PARP8: variants seen among roughly 807,000 people sequenced by gnomAD.
PARP8 encodes the protein protein mono-ADP-ribosyltransferase PARP8.
A neutral mutation model predicts 124.1 loss-of-function variants in PARP8; 51 were observed. That is an observed-to-expected ratio of 0.41 (90% CI 0.33 to 0.52). The LOEUF is 0.52. Ranked by LOEUF, PARP8 falls within the 20% of genes least tolerant of loss-of-function variation. The pLI, the probability that PARP8 is intolerant of heterozygous loss-of-function variation, is 0.21. For missense variants in PARP8, 860 were observed against 1,018.9 expected, an observed-to-expected ratio of 0.84 and a Z score of 2.12; for synonymous variants, 391 against 361.5, an observed-to-expected ratio of 1.08 and a Z score of -0.93.
chr5:50,820,697 C>G (rs543639894), intron 15 of PARP8, among the ~76,000 whole-genome samples: 2 of 152,308 alleles, frequency 1.3e-5, no homozygotes, highest in East Asian at 3.9e-4. Context: ...GCCAGATGGT[C>G]GCATGTCTCC....
intron 6 of PARP8, 23 bp downstream of exon 6, chr5:50,761,921 A>G (rs1760584789): frequency 3.4e-6 from 5 of 1,472,310 alleles, no homozygotes; most frequent in Non-Finnish European, 3.8e-6. Flanking sequence ...GGTCTTCCAA[A>G]TACCTAGTCT....
chr5:50,708,856 A>G (rs185885670), intron 2 of PARP8, among the ~76,000 whole-genome samples: 39 of 151,926 alleles, frequency 2.6e-4, no homozygotes, highest in African/African-American at 8.4e-4. Flanking sequence ...ATCATAGCTC[A>G]CTGCAGCTTC....
intron 10 of PARP8, among the ~76,000 whole-genome samples, chr5:50,790,861 A>G (rs1359887023): frequency 3.9e-5 from 6 of 152,162 alleles, no homozygotes; most frequent in African/African-American, 1.4e-4. Context: ...GTTTGTTAAT[A>G]TAGATTAGAA....
At chr5:50,730,249 T>A (rs1487671543) in intron 2 of PARP8, among the ~76,000 whole-genome samples, 1 of 152,216 alleles carries the variant, frequency 6.6e-6, no homozygotes, top group Non-Finnish European at 1.5e-5. Context: ...CAAACTGTAT[T>A]AGTCCGTTTT....
In PARP8 at chr5:50,841,992, C is replaced by T; in HGVS notation, c.2489C>T (p.Ala830Val). The stretch of plus-strand genomic sequence containing the variant: ...TATGAAGACGGCCAAGTGGGAGATG[C>T]AAATATTAATACACAAGAAGGAGGC... Reference protein sequence around the residue: ...FVYEDGQVGDANINTQEGGIH... With the variant: ...FVYEDGQVGDVNINTQEGGIH... Residue 830 changes from alanine (A) to valine (V), a missense_variant, in exon 26 of 26, where the codon GCA (alanine) becomes GTA (valine). This residue lies in a region of PARP8 where 343 missense variants were observed against 474.7 expected (regional missense o/e 0.72). Coordinates refer to ENST00000281631, the MANE Select transcript of PARP8 (RefSeq NM_024615.4). 6.2e-7 allele frequency: 1 copy of T among 1,600,924 alleles called. No individual in the cohort carries two copies. The highest frequency in any genetic ancestry group is 2.3e-5 in the East Asian group (1 of 44,066).
chr5:50,792,769 A>T (rs1742107701), intron 10 of PARP8, among the ~76,000 whole-genome samples: 1 of 152,166 alleles, frequency 6.6e-6, no homozygotes, highest in Non-Finnish European at 1.5e-5. Context: ...CACTTATTGA[A>T]GTTTTATTCC....
intron 7 of PARP8, among the ~76,000 whole-genome samples, chr5:50,766,704 G>A (rs1761091586): frequency 6.6e-6 from 1 of 152,106 alleles, no homozygotes; most frequent in Non-Finnish European, 1.5e-5. Context: ...ATAGTCAACT[G>A]TTGTGACTAT....
intron 3 of PARP8, among the ~76,000 whole-genome samples, chr5:50,752,281 A>T (rs1759343486): frequency 6.6e-6 from 1 of 152,114 alleles, no homozygotes; most frequent in African/African-American, 2.4e-5. Flanking sequence ...ATACTTTAGC[A>T]TTAAAGACCT....
At chr5:50,819,205 A>G (rs2084282349) in intron 15 of PARP8, among the ~76,000 whole-genome samples, 1 of 152,170 alleles carries the variant, frequency 6.6e-6, no homozygotes, top group Non-Finnish European at 1.5e-5. Context: ...TTAGGCTAGG[A>G]CATATATTAA....
At chr5:50,795,842 T>A (rs539802588) in intron 12 of PARP8, among the ~76,000 whole-genome samples, 1 of 152,358 alleles carries the variant, frequency 6.6e-6, no homozygotes, top group East Asian at 1.9e-4. Flanking sequence ...TCCCTTTCAA[T>A]TATATATAAG....
At chr5:50,819,148 G>C (rs1300288822) in intron 15 of PARP8, among the ~76,000 whole-genome samples, 1 of 152,146 alleles carries the variant, frequency 6.6e-6, no homozygotes, top group Admixed American at 6.5e-5. Context: ...GGAAACTTTG[G>C]TGCATCCCAT....
intron 2 of PARP8, among the ~76,000 whole-genome samples, chr5:50,733,372 A>G (rs914693667): frequency 2.0e-5 from 3 of 152,156 alleles, no homozygotes; most frequent in African/African-American, 7.2e-5. Flanking sequence ...GGGCAGCTTG[A>G]CTTTTAAAAA....
intron 9 of PARP8, among the ~76,000 whole-genome samples, chr5:50,788,193 T>TATTATACATTAATATATAATATA (rs1741498075): frequency 1.6e-5 from 2 of 128,742 alleles, no homozygotes; most frequent in African/African-American, 2.7e-5. Flanking sequence ...TATAATATAT[T>TATTATACATTAATATATAATATA]AATGTATAAT....
intron 14 of PARP8, among the ~76,000 whole-genome samples, chr5:50,797,829 TAA>T (rs1011062460): frequency 6.6e-6 from 1 of 152,232 alleles, no homozygotes. Context: ...ATATAACTTA[TAA>T]GTCACTACTT....
At chr5:50,816,232 A>G (rs1370820681) in intron 15 of PARP8, among the ~76,000 whole-genome samples, 1 of 152,176 alleles carries the variant, frequency 6.6e-6, no homozygotes, top group Non-Finnish European at 1.5e-5. Context: ...AATGTATGTT[A>G]AAGTAGGTTT....
intron 3 of PARP8, among the ~76,000 whole-genome samples, chr5:50,754,451 G>T (rs901214340): frequency 2.0e-5 from 3 of 151,584 alleles, no homozygotes. Flanking sequence ...TTTTGTCCTT[G>T]CGATAGTTTG....
chr5:50,787,738 AT>A (rs995090856), intron 9 of PARP8, among the ~76,000 whole-genome samples: 3 of 151,906 alleles, frequency 2.0e-5, no homozygotes, highest in Admixed American at 6.6e-5. Context: ...GAGAGAAGTT[AT>A]TAATTTAATT....
At chr5:50,699,267 G>A (rs1267662484) in intron 2 of PARP8, among the ~76,000 whole-genome samples, 3 of 152,208 alleles carry the variant, frequency 2.0e-5, no homozygotes, top group East Asian at 1.9e-4. Context: ...TCCAGCACTG[G>A]AGTATGGAAA....
rs1485564892 is a variant in PARP8, at chr5:50,797,160, G to A, written c.1502G>A (p.Arg501Gln). ...CAGACAATTGAGTTTGCTGAACAGC[G>A]GATCCCTGTATTAAATGAATATTGT... ...LVQTIEFAEQRIPVLNEYCVV... is the reference protein window; with the variant it reads ...LVQTIEFAEQQIPVLNEYCVV... The change falls in exon 14 of 26, where the codon CGG (arginine) becomes CAG (glutamine). Residue 501 changes from arginine (R) to glutamine (Q), a missense_variant. Physicochemically the swap from Arg to Gln is conservative, Grantham distance 43. Around this residue, in one of 2 missense-constraint regions of PARP8, gnomAD observed 343 missense variants for 474.7 expected, o/e 0.72. Coordinates refer to ENST00000281631, the MANE Select transcript of PARP8 (RefSeq NM_024615.4). The A allele has an allele frequency of 8.7e-6, 14 of 1,613,020 alleles. No individual in the cohort carries two copies. In the Admixed American group the frequency reaches 2.0e-4, roughly 23 times the overall value.
Sources: allele counts gnomAD v4.1 joint callset (sites outside exome capture counted in the v4.1 genomes callset), GRCh38; gene constraint gnomAD v4.1.1; regional missense constraint gnomAD v4.1.1; transcripts MANE v1.5; gene names NCBI Gene and HGNC (gene_info 2026-07-23, HGNC 2026-07-21).